SEL1L3: variants seen among roughly 807,000 people sequenced by gnomAD.
SEL1L3 encodes SEL1L family member 3, also known as protein sel-1 homolog 3.
SEL1L3 carries 76 observed loss-of-function variants against 142.8 expected under a neutral mutation model. The ratio of observed to expected loss-of-function variants is 0.53; its 90% confidence interval spans 0.44 to 0.64. SEL1L3 has a LOEUF of 0.64. SEL1L3 is among the 30% of genes least tolerant of loss of function. The probability of loss-of-function intolerance (pLI) is 0.00; values close to 1 mark genes in which losing one functional copy is unlikely to be tolerated. For synonymous variants in SEL1L3, 504 were observed against 519.6 expected, an observed-to-expected ratio of 0.97 and a Z score of 0.41; for missense variants, 1,262 against 1,381.7, an observed-to-expected ratio of 0.91 and a Z score of 1.37.
intron 6 of SEL1L3, among the ~76,000 whole-genome samples, chr4:25,829,257 G>A (rs1715286972): frequency 6.6e-6 from 1 of 152,228 alleles, no homozygotes; most frequent in South Asian, 2.1e-4. Context: ...ACAGGCGTGA[G>A]CCAACACCCC....
intron 9 of SEL1L3, among the ~76,000 whole-genome samples, chr4:25,809,388 A>G (rs538931321): frequency 1.6e-4 from 24 of 149,234 alleles, no homozygotes; most frequent in African/African-American, 5.4e-4. Context: ...CAAGCAATCC[A>G]CCCACCTCTG....
intron 23 of SEL1L3, among the ~76,000 whole-genome samples, chr4:25,754,440 C>T (rs759611346): frequency 1.2e-4 from 18 of 151,338 alleles, no homozygotes; most frequent in East Asian, 3.9e-4. Context: ...CCTCCGTCTC[C>T]GGGGTTCAAG....
At position 25,833,558 on chromosome 4, in the gene SEL1L3, G is replaced by C; in HGVS notation, c.872C>G (p.Ser291Ter). ...QRMDYPVFTV[S>*]LWLYLLHYCK... is the part of the protein sequence containing the mutation. The stretch of plus-strand genomic sequence containing the variant: ...ATAATGGAGTAAATAAAGCCACAAT[G>C]AAACAGTAAACCTATAAGAGTGAGG... Residue 291 changes from serine (S) to a stop codon, truncating the protein, a stop_gained, in exon 4 of 24, where the codon TCA becomes TGA. Transcript: ENST00000399878. LOFTEE classifies it high-confidence loss of function. 6.2e-7 allele frequency: 1 copy of C among 1,611,222 alleles called. No individual in the cohort carries two copies. Among genetic ancestry groups the C allele is most frequent in the Non-Finnish European group, 8.5e-7 (1 of 1,178,664 alleles).
chr4:25,735,556 T>C, the SEL1L3 span, among the ~76,000 whole-genome samples: 2 of 148,240 alleles, frequency 1.3e-5, no homozygotes, highest in Admixed American at 6.9e-5. Context: ...TATATTTTCC[T>C]TCAGTTTTCT....
intron 1 of SEL1L3, chr4:25,861,848 A>T (rs1333979892): frequency 1.3e-5 from 2 of 152,194 alleles, no homozygotes; most frequent in Non-Finnish European, 2.9e-5. Flanking sequence ...AAGCCCTCAA[A>T]GGAACTGAGA....
rs74841410 is a variant in SEL1L3, at chr4:25,764,523, G to T, written c.2955+803C>A. Among the ~76,000 whole-genome samples the T allele has an allele frequency of 1.7e-3, 265 of 152,178 alleles. 1 individual carries two copies. Among genetic ancestry groups the T allele is most frequent in the African/African-American group, 6.0e-3 (251 of 41,522 alleles). The stretch of plus-strand genomic sequence containing the variant: ...CAAATCTAACATTATTTTCAAATAA[G>T]AAGTTTCCAAAAAAAATCACTGAGG... On this transcript the variant is annotated intron_variant, in intron 20 of 23. Coordinates refer to ENST00000399878, the MANE Select transcript of SEL1L3 (RefSeq NM_015187.5).
Position 25,819,931 on chromosome 4 carries a change from G to C in SEL1L3, c.1300C>G (p.Pro434Ala), listed in dbSNP as rs759155943. The C allele has an allele frequency of 3.1e-6, 5 of 1,610,244 alleles. No homozygotes were observed. Among genetic ancestry groups the C allele is most frequent in the Middle Eastern group, 3.3e-4 (2 of 6,054 alleles). Reference sequence around the variant, plus strand: ...TCAGCAAGTTGCTTCTCAAGGAGGGGATTAAAAATCTACAAGAAGGCAAGA... The same window carrying C: ...TCAGCAAGTTGCTTCTCAAGGAGGGCATTAAAAATCTACAAGAAGGCAAGA... ...RSLHPAQIFN[P>A]LLEKQLAEQI... Residue 434 changes from proline (P) to alanine (A), a missense_variant, in exon 8 of 24, where the codon CCC becomes GCC. Around this residue, in one of 3 missense-constraint regions of SEL1L3, gnomAD observed 689 missense variants for 692.8 expected, o/e 0.99. Transcript: ENST00000399878.
intron 11 of SEL1L3, 71 bp downstream of exon 11, chr4:25,802,212 C>A: frequency 7.1e-7 from 1 of 1,416,436 alleles, no homozygotes; most frequent in South Asian, 1.4e-5. Flanking sequence ...AAAGCAACCA[C>A]AGGGGCAGAC....
At chr4:25,744,702 T>C (rs1717210003), downstream of SEL1L3, among the ~76,000 whole-genome samples, 1 of 152,174 alleles carries the variant, frequency 6.6e-6, no homozygotes, top group Non-Finnish European at 1.5e-5. Flanking sequence ...CTGTTTAACA[T>C]TCTGCAATGC....
In SEL1L3 at chr4:25,826,569, G is replaced by A. The variant is rs146478487; in HGVS notation, c.1157+3529C>T. On this transcript the variant is annotated intron_variant, in intron 6 of 23. Coordinates refer to ENST00000399878, the MANE Select transcript of SEL1L3 (RefSeq NM_015187.5). ...TCCCTCTGGGACTAGCTTTACCTCT[G>A]CTTATTTCTCTGATGGGGAGGTCTC... 1.7e-3 allele frequency among the ~76,000 whole-genome samples: 253 copies of A among 152,248 alleles called. 2 individuals are homozygous for A. Among genetic ancestry groups the A allele is most frequent in the African/African-American group, 5.9e-3 (246 of 41,536 alleles).
At chr4:25,727,610 C>T in the SEL1L3 span, among the ~76,000 whole-genome samples, 1 of 152,138 alleles carries the variant, frequency 6.6e-6, no homozygotes, top group Non-Finnish European at 1.5e-5. Flanking sequence ...TGGGCTTGTC[C>T]TGGCTGCCTT....
At chr4:25,738,972 G>A in the SEL1L3 span, among the ~76,000 whole-genome samples, 64,833 of 151,824 alleles carry the variant, frequency 0.43, 14,596 homozygotes, top group East Asian at 0.65. Flanking sequence ...TTGGGAGGCC[G>A]AGGCGGGCAG....
At chr4:25,765,302 G>C (rs758551996) in intron 20 of SEL1L3, 24 bp downstream of exon 20, 2 of 1,522,930 alleles carry the variant, frequency 1.3e-6, no homozygotes, top group South Asian at 2.2e-5. Flanking sequence ...CCAAGAGCTG[G>C]TTTTTGTTGC....
At chr4:25,736,213 T>TTGTGTG in the SEL1L3 span, among the ~76,000 whole-genome samples, 16,381 of 130,578 alleles carry the variant, frequency 0.13, 1,323 homozygotes, top group South Asian at 0.17. Flanking sequence ...TGCCATAAGA[T>TTGTGTG]TGTGTGTCTG....
At chr4:25,754,632 C>T (rs961230317) in intron 23 of SEL1L3, among the ~76,000 whole-genome samples, 1 of 151,842 alleles carries the variant, frequency 6.6e-6, no homozygotes, top group Non-Finnish European at 1.5e-5. Context: ...TCGGCCCTTA[C>T]TACTCAAAGT....
the SEL1L3 span, among the ~76,000 whole-genome samples, chr4:25,734,812 G>A: frequency 2.0e-5 from 3 of 151,838 alleles, no homozygotes; most frequent in African/African-American, 7.3e-5. Context: ...CAGGTGATCC[G>A]CCCGCCTCAG....
intron 17 of SEL1L3, among the ~76,000 whole-genome samples, chr4:25,772,264 G>A (rs568064479): frequency 6.6e-6 from 1 of 152,274 alleles, no homozygotes; most frequent in Admixed American, 6.5e-5. Flanking sequence ...GATACAAAAC[G>A]TTTCTTCCTG....
chr4:25,774,140 G>A (rs527561518), intron 17 of SEL1L3, among the ~76,000 whole-genome samples: 67 of 152,302 alleles, frequency 4.4e-4, no homozygotes, highest in Non-Finnish European at 8.2e-4. Flanking sequence ...CATGATCCAT[G>A]GAAGAACAAA....
rs879665172 is a variant in SEL1L3, at chr4:25,831,528, T to A, written c.1099-1372A>T. On this transcript the variant is annotated intron_variant, in intron 5 of 23. Transcript: ENST00000399878. ...TAATAATAATTATTATTATTATTAT[T>A]ATTATTATTATTATTGAGACAGAGT... Among the ~76,000 whole-genome samples the A allele has an allele frequency of 9.2e-3, 1,326 of 144,026 alleles. 13 individuals are homozygous for A. The highest frequency in any genetic ancestry group is 0.014 in the Non-Finnish European group (934 of 65,094). The allele number at this position is 144,026 out of a possible 152,430, so 94.5% of individuals were successfully genotyped here.
Sources: gnomAD v4.1 joint callset for allele counts (sites outside exome capture counted in the v4.1 genomes callset) on GRCh38, gnomAD v4.1.1 for gene constraint, gnomAD v4.1.1 regional missense constraint, MANE v1.5 for transcripts, NCBI Gene and HGNC (gene_info 2026-07-23, HGNC 2026-07-21) for gene names.